The following OR51B5 variants were observed in gnomAD, a reference collection of about 807,000 sequenced individuals.
The protein encoded by OR51B5 is olfactory receptor family 51 subfamily B member 5.
For synonymous variants in OR51B5, 186 were observed against 144.8 expected (o/e 1.28, Z -2.04); for missense variants, 456 against 374.6 (o/e 1.22, Z -1.79).
chr11:5,440,888 A>G, intron 1 of OR51B5: 2 of 1,613,762 alleles, frequency 1.2e-6, no homozygotes, highest in African/African-American at 2.7e-5. Flanking sequence ...AGTCCATACC[A>G]TAGGTAAAAA....
At chr11:5,469,392 T>G (rs1214519981) in intron 1 of OR51B5, 2 of 152,398 alleles carry the variant, frequency 1.3e-5, no homozygotes, top group Non-Finnish European at 2.9e-5. Context: ...AAGCTGGTAG[T>G]ACTTGAGATG....
chr11:5,349,179 G>T (rs956986518), intron 1 of OR51B5, among the ~76,000 whole-genome samples: 2 of 152,058 alleles, frequency 1.3e-5, no homozygotes, highest in South Asian at 4.2e-4. Flanking sequence ...GAAACTCACA[G>T]ATCATCTCAT....
chr11:5,410,260 T>A (rs1404447314), intron 1 of OR51B5, among the ~76,000 whole-genome samples: 2 of 152,110 alleles, frequency 1.3e-5, no homozygotes, highest in African/African-American at 4.8e-5. Flanking sequence ...TCATGTTGTA[T>A]TGGGGTTTAA....
chr11:5,419,847 T>G (rs535488277), intron 1 of OR51B5, among the ~76,000 whole-genome samples: 47 of 152,128 alleles, frequency 3.1e-4, no homozygotes, highest in African/African-American at 1.1e-3. Context: ...CTAACTGAAA[T>G]TATTTTTATA....
chr11:5,351,606 C>CATCTCCATACTTCTTGG (rs777935862), intron 1 of OR51B5: 9 of 1,614,132 alleles, frequency 5.6e-6, no homozygotes, highest in African/African-American at 5.3e-5. Context: ...TGGCAGCCTA[C>CATCTCCATACTTCTTGG]ATCTCCATAC....
chr11:5,442,725 C>A (rs1394812180), intron 1 of OR51B5, among the ~76,000 whole-genome samples: 1 of 152,150 alleles, frequency 6.6e-6, no homozygotes, highest in African/African-American at 2.4e-5. Flanking sequence ...ATCTTACTTA[C>A]ATTACCTTCT....
chr11:5,377,676 CAGAG>C (rs919023408), intron 1 of OR51B5, among the ~76,000 whole-genome samples: 8 of 152,040 alleles, frequency 5.3e-5, no homozygotes, highest in African/African-American at 9.7e-5. Flanking sequence ...AACAGACAAA[CAGAG>C]AGCCAAATCA....
At chr11:5,467,819 A>G (rs955370512) in intron 1 of OR51B5, among the ~76,000 whole-genome samples, 3 of 152,208 alleles carry the variant, frequency 2.0e-5, no homozygotes, top group Non-Finnish European at 4.4e-5. Context: ...ATCAATCAAC[A>G]ACCTCTGTTA....
chr11:5,463,923 C>T (rs758183996), intron 1 of OR51B5, among the ~76,000 whole-genome samples: 1 of 152,202 alleles, frequency 6.6e-6, no homozygotes, highest in African/African-American at 2.4e-5. Context: ...ACTGTGAGGG[C>T]AGTGTGTTAC....
intron 1 of OR51B5, among the ~76,000 whole-genome samples, chr11:5,401,930 T>G (rs1263960919): frequency 6.6e-6 from 1 of 151,148 alleles, no homozygotes; most frequent in African/African-American, 2.4e-5. Context: ...TTCTTTCCTT[T>G]TCTTTTATTA....
At position 5,398,688 on chromosome 11, in the gene OR51B5, C is replaced by T. The variant is rs897887980; in HGVS notation, n.85-51778G>A. On this transcript the variant is annotated intron_variant and non_coding_transcript_variant, in intron 1 of 4. Coordinates refer to the OR51B5 transcript ENST00000415970. ...GATTATTGGATCATGGGAGCAGTTTCCCCCATGCAGTTCTCGTGATACTGA... is the reference window on the plus strand; with the variant it reads ...GATTATTGGATCATGGGAGCAGTTTTCCCCATGCAGTTCTCGTGATACTGA... 3.5e-5 allele frequency among the ~76,000 whole-genome samples: 5 copies of T among 140,970 alleles called. No individual in the cohort carries two copies. The East Asian group carries it at 6.2e-4, about 17-fold the overall frequency. 92.5% of individuals were successfully genotyped at this position (140,970 alleles called of 152,430 possible).
chr11:5,408,305 C>T (rs1383085129), intron 1 of OR51B5, among the ~76,000 whole-genome samples: 4 of 151,934 alleles, frequency 2.6e-5, no homozygotes, highest in African/African-American at 7.2e-5. Context: ...TAGGAAAAAC[C>T]TCCTAGCTTA....
chr11:5,418,149 G>T (rs964337534), intron 1 of OR51B5, among the ~76,000 whole-genome samples: 3 of 151,466 alleles, frequency 2.0e-5, no homozygotes, highest in African/African-American at 4.9e-5. Flanking sequence ...GTAAACTATT[G>T]CAAGAACAAA....
chr11:5,377,044 C>G (rs80302054), intron 1 of OR51B5, among the ~76,000 whole-genome samples: 41,176 of 151,876 alleles, frequency 0.27, 5,854 homozygotes, highest in African/African-American at 0.33. Flanking sequence ...TGATGAACAT[C>G]GATGCAAAAA....
At chr11:5,469,148 G>T in intron 1 of OR51B5, 1 of 224,990 alleles carries the variant, frequency 4.4e-6, no homozygotes, top group Non-Finnish European at 8.9e-6. Flanking sequence ...AGTTGTCTCT[G>T]GGGCATGAAA....
chr11:5,476,692 G>A (rs1179655305), intron 1 of OR51B5, among the ~76,000 whole-genome samples: 1 of 152,210 alleles, frequency 6.6e-6, no homozygotes, highest in East Asian at 1.9e-4. Context: ...TTGGGATTCA[G>A]ACTATGTGAG....
At chr11:5,472,823 A>G (rs1851248257) in intron 1 of OR51B5, among the ~76,000 whole-genome samples, 2 of 152,200 alleles carry the variant, frequency 1.3e-5, no homozygotes. Flanking sequence ...TCTTTCCAGT[A>G]AGCATACCAC....
chr11:5,422,801 G>T (rs981705295), intron 1 of OR51B5: 1 of 1,614,162 alleles, frequency 6.2e-7, no homozygotes. Flanking sequence ...CAGCTGGTAT[G>T]GATTTGCTCT....
At chr11:5,471,963 G>T (rs1039202403) in intron 1 of OR51B5, among the ~76,000 whole-genome samples, 1 of 152,158 alleles carries the variant, frequency 6.6e-6, no homozygotes, top group East Asian at 1.9e-4. Flanking sequence ...GGGGCTGAAA[G>T]TTCCGGATCC....
Sources: gnomAD v4.1 joint callset for allele counts (sites outside exome capture counted in the v4.1 genomes callset) on GRCh38, gnomAD v4.1.1 for gene constraint, MANE v1.5 for transcripts, NCBI Gene and HGNC (gene_info 2026-07-23, HGNC 2026-07-21) for gene names.